Variants in HPSE2 observed in about 807,000 individuals in gnomAD.
The protein encoded by HPSE2 is inactive heparanase-2.
Under a neutral mutation model 60.5 loss-of-function variants are expected in HPSE2, and 38 were observed. The observed-to-expected ratio is 0.63, with a 90% CI of 0.48 to 0.82. The LOEUF is 0.82. Ranked by LOEUF, HPSE2 falls within the 40% of genes least tolerant of loss-of-function variation. The pLI is 0.00. For synonymous variants in HPSE2, 295 were observed against 293.2 expected (o/e 1.01, Z -0.06); for missense variants, 713 against 740.4 (o/e 0.96, Z 0.43).
chr10:98,533,144 A>G (rs1262189658), intron 9 of HPSE2, among the ~76,000 whole-genome samples: 1 of 152,184 alleles, frequency 6.6e-6, no homozygotes, highest in Non-Finnish European at 1.5e-5. Flanking sequence ...TTCCAGCTGA[A>G]GTTTGGCCTT....
intron 3 of HPSE2, among the ~76,000 whole-genome samples, chr10:98,958,544 T>A (rs895085232): frequency 2.6e-5 from 4 of 152,154 alleles, no homozygotes; most frequent in African/African-American, 9.7e-5. Flanking sequence ...ATAAGGCTTA[T>A]CTCATTTAAT....
intron 2 of HPSE2, among the ~76,000 whole-genome samples, chr10:99,206,314 G>A (rs1848743311): frequency 6.6e-6 from 1 of 152,126 alleles, no homozygotes; most frequent in Non-Finnish European, 1.5e-5. Flanking sequence ...ATAAAGTTAT[G>A]CATATGCTGG....
intron 3 of HPSE2, among the ~76,000 whole-genome samples, chr10:99,068,457 G>A (rs974097717): frequency 1.3e-5 from 2 of 152,310 alleles, no homozygotes; most frequent in African/African-American, 2.4e-5. Context: ...AAGAGAGCTT[G>A]TACGGGAGAA....
At chr10:98,823,977 C>A (rs1487762051) in intron 3 of HPSE2, among the ~76,000 whole-genome samples, 2 of 152,122 alleles carry the variant, frequency 1.3e-5, no homozygotes, top group Non-Finnish European at 2.9e-5. Context: ...CAGGTCCTAA[C>A]AAATTTTAAA....
At chr10:99,185,870 T>C (rs1014540377) in intron 2 of HPSE2, among the ~76,000 whole-genome samples, 2 of 151,450 alleles carry the variant, frequency 1.3e-5, no homozygotes, top group Non-Finnish European at 2.9e-5. Flanking sequence ...CAAGAGAAGA[T>C]AGATCAATAG....
At chr10:98,603,718 G>A (rs569871834) in intron 9 of HPSE2, among the ~76,000 whole-genome samples, 47 of 152,118 alleles carry the variant, frequency 3.1e-4, no homozygotes, top group African/African-American at 1.0e-3. Flanking sequence ...GTGAGCCACC[G>A]TGCCTGGCCT....
intron 2 of HPSE2, among the ~76,000 whole-genome samples, chr10:99,177,012 A>T (rs1847552721): frequency 1.3e-5 from 2 of 152,210 alleles, no homozygotes; most frequent in Non-Finnish European, 2.9e-5. Context: ...TTACATATAC[A>T]GCCAAACTAA....
chr10:99,200,791 C>CTA lies in HPSE2; in HGVS notation c.448+31555_448+31556dup, dbSNP rs1329749755. Among the ~76,000 whole-genome samples the CTA allele has an allele frequency of 2.0e-5, 3 of 152,230 alleles. No individual in the cohort carries two copies. The East Asian group carries it at 5.8e-4, about 29-fold the overall frequency. On this transcript the variant is annotated intron_variant, in intron 2 of 11. Transcript: ENST00000370552. ...GTTAGGTTTAGCAGCACATTATTAG[C>CTA]TACAGAAAGATTTTCCCCTCTATAT...
intron 9 of HPSE2, among the ~76,000 whole-genome samples, chr10:98,508,299 G>C (rs1193233868): frequency 1.3e-5 from 2 of 152,190 alleles, no homozygotes; most frequent in Non-Finnish European, 2.9e-5. Flanking sequence ...CTGTCTGAAA[G>C]CTAGACAAAG....
intron 3 of HPSE2, among the ~76,000 whole-genome samples, chr10:98,845,296 G>C (rs1952008346): frequency 6.6e-6 from 1 of 152,186 alleles, no homozygotes; most frequent in Non-Finnish European, 1.5e-5. Context: ...TGGAGGATAG[G>C]TGAGCAGCCA....
chr10:98,591,028 AAG>A (rs2133942639), intron 9 of HPSE2, among the ~76,000 whole-genome samples: 1 of 152,362 alleles, frequency 6.6e-6, no homozygotes, highest in African/African-American at 2.4e-5. Context: ...AAATTACGTC[AAG>A]AGACTCTGAA....
chr10:98,932,369 G>C lies in HPSE2; in HGVS notation c.611-188313C>G, dbSNP rs1440103957. On this transcript the variant is annotated intron_variant, in intron 3 of 11. Transcript: ENST00000370552. ...TTTGATGTGTTGCTGGATTTTGTTTGCCAGTATTTTATTGAGGATTTTTGC... is the reference window on the plus strand; with the variant it reads ...TTTGATGTGTTGCTGGATTTTGTTTCCCAGTATTTTATTGAGGATTTTTGC... Among the ~76,000 whole-genome samples the C allele has an allele frequency of 2.1e-5, 3 of 144,002 alleles. 1 individual carries two copies. The highest frequency in any genetic ancestry group is 2.1e-4 in the Admixed American group (3 of 14,496). 94.5% of individuals were successfully genotyped at this position (144,002 alleles called of 152,430 possible).
chr10:99,236,027 T>A (rs939928003), upstream of HPSE2, among the ~76,000 whole-genome samples: 1 of 150,204 alleles, frequency 6.7e-6, no homozygotes, highest in South Asian at 2.1e-4. Flanking sequence ...TTTTTAATTT[T>A]TTTTTTCAGT....
At chr10:98,897,781 T>A (rs1284727736) in intron 3 of HPSE2, among the ~76,000 whole-genome samples, 4 of 152,154 alleles carry the variant, frequency 2.6e-5, no homozygotes, top group African/African-American at 9.7e-5. Context: ...GACCTTGGGT[T>A]TGGTAATGAG....
chr10:98,780,846 G>A (rs1263432670), intron 3 of HPSE2, among the ~76,000 whole-genome samples: 1 of 152,054 alleles, frequency 6.6e-6, no homozygotes, highest in Non-Finnish European at 1.5e-5. Context: ...AACAAAAATG[G>A]AATGATCACT....
intron 5 of HPSE2, among the ~76,000 whole-genome samples, chr10:98,710,048 A>C (rs559356073): frequency 4.6e-5 from 7 of 152,252 alleles, no homozygotes; most frequent in Non-Finnish European, 1.0e-4. Context: ...CGTTCTACAC[A>C]AAAGCCTAGG....
chr10:99,214,239 C>T (rs1441171144), intron 2 of HPSE2, among the ~76,000 whole-genome samples: 1 of 152,132 alleles, frequency 6.6e-6, no homozygotes, highest in African/African-American at 2.4e-5. Flanking sequence ...AAACTGGCAC[C>T]CTCATACCCT....
chr10:99,023,644 G>T (rs1202624270), intron 3 of HPSE2, among the ~76,000 whole-genome samples: 32 of 152,084 alleles, frequency 2.1e-4, no homozygotes, highest in Non-Finnish European at 1.5e-4. Context: ...ATGTTGCTCA[G>T]AACAGAGAGA....
the HPSE2 span, among the ~76,000 whole-genome samples, chr10:99,250,824 C>T: frequency 2.0e-5 from 3 of 152,014 alleles, no homozygotes; most frequent in Non-Finnish European, 4.4e-5. Flanking sequence ...AACAAAGACA[C>T]AACATAGCAA....
Sources: gnomAD v4.1 joint callset for allele counts (sites outside exome capture counted in the v4.1 genomes callset) on GRCh38, gnomAD v4.1.1 for gene constraint, MANE v1.5 for transcripts, NCBI Gene and HGNC (gene_info 2026-07-23, HGNC 2026-07-21) for gene names.